The following MOG variants were observed in gnomAD, a reference collection of about 807,000 sequenced individuals.
MOG encodes myelin-oligodendrocyte glycoprotein.
Under a neutral mutation model 35.9 loss-of-function variants are expected in MOG, and 20 were observed. That is an observed-to-expected ratio of 0.56 (90% CI 0.39 to 0.81). The LOEUF (loss-of-function observed/expected upper bound fraction) is 0.81, where lower values mean the gene tolerates loss of function less well. Ranked by LOEUF, MOG falls within the 30% of genes least tolerant of loss-of-function variation. The pLI, the probability that MOG is intolerant of heterozygous loss-of-function variation, is 0.00. For missense variants in MOG, 251 were observed against 301.0 expected (o/e 0.83, Z 1.23); for synonymous variants, 92 against 114.3 (o/e 0.80, Z 1.25).
At chr6:29,664,773 T>A (rs1266649182) in intron 2 of MOG, 1 of 338,042 alleles carries the variant, frequency 3.0e-6, no homozygotes, top group South Asian at 2.2e-5. Context: ...CCCAGGTAAT[T>A]TTTAATTTTT....
intron 5 of MOG, among the ~76,000 whole-genome samples, chr6:29,669,451 C>T (rs1770980095): frequency 6.6e-6 from 1 of 151,042 alleles, no homozygotes; most frequent in African/African-American, 2.4e-5. Context: ...CCACCATGCC[C>T]AGCTAATTTT....
chr6:29,666,719 G>A (rs891341711), intron 3 of MOG, among the ~76,000 whole-genome samples: 4 of 152,154 alleles, frequency 2.6e-5, no homozygotes, highest in Non-Finnish European at 5.9e-5. Flanking sequence ...GTAGGCGTTC[G>A]AAAATTGTTT....
chr6:29,665,740 A>AGCT (rs1175951639), intron 2 of MOG, among the ~76,000 whole-genome samples: 1 of 151,550 alleles, frequency 6.6e-6, no homozygotes, highest in Admixed American at 6.6e-5. Flanking sequence ...CATATTTGAA[A>AGCT]TACATATTTA....
rs748449458 is a variant in MOG, at chr6:29,670,255, C to T, written c.593-26C>T. ...GGCATGAGGGGGAACACATGTTAAC[C>T]CTGTTTGTTCTGGTGAACAATTCAG... On this transcript the variant is annotated intron_variant, in intron 5 of 7. Transcript: ENST00000376917. The surrounding 1 kb of genome is among the most constrained non-coding windows in gnomAD (Gnocchi z 4.2). 1.2e-6 allele frequency: 2 copies of T among 1,614,144 alleles called. No individual in the cohort carries two copies. The highest frequency in any genetic ancestry group is 1.7e-6 in the Non-Finnish European group (2 of 1,180,042).
intron 5 of MOG, among the ~76,000 whole-genome samples, chr6:29,668,801 G>T (rs1308244003): frequency 1.3e-5 from 2 of 152,076 alleles, no homozygotes; most frequent in Non-Finnish European, 2.9e-5. Context: ...AAGTCTAAAG[G>T]ACCCCTTTGC....
rs1178051979 is a variant in MOG at position 29,672,328 on chromosome 6, AT to A, written c.*1144del. ...AATAAATAAATAAATAAATAAATAAATAAATAAAAAATAATAATACAAGTTT... is the reference window on the plus strand; with the variant it reads ...AATAAATAAATAAATAAATAAATAAAAAATAAAAAATAATAATACAAGTTT... On this transcript the variant is annotated 3_prime_UTR_variant, in exon 8 of 8. Coordinates refer to ENST00000376917, the MANE Select transcript of MOG (RefSeq NM_206809.4). 21 of 287,460 alleles carry A rather than the reference AT, an allele frequency of 7.3e-5. No individual in the cohort carries two copies. Among genetic ancestry groups the A allele is most frequent in the East Asian group, 3.6e-4 (6 of 16,764 alleles). 17.8% of individuals were successfully genotyped at this position (287,460 alleles called of 1,614,324 possible).
intron 5 of MOG, among the ~76,000 whole-genome samples, chr6:29,669,727 T>G (rs1206022641): frequency 6.6e-6 from 1 of 152,208 alleles, no homozygotes; most frequent in East Asian, 1.9e-4. Flanking sequence ...TGTGGTTAGT[T>G]GTAAAATGTT....
intron 2 of MOG, among the ~76,000 whole-genome samples, chr6:29,665,406 A>AT (rs575293005): frequency 2.6e-3 from 401 of 151,974 alleles, no homozygotes; most frequent in Non-Finnish European, 5.3e-3. Flanking sequence ...AATATTTGTG[A>AT]TTTTTATTGA....
At position 29,657,224 on chromosome 6, in the gene MOG, A is replaced by G. The variant is rs3130250; in HGVS notation, c.15A>G (p.Ser5=). 1,377,338 of 1,609,366 alleles carry G rather than the reference A, an allele frequency of 0.86. 591,631 individuals are homozygous for G. Among genetic ancestry groups the G allele is most frequent in the East Asian group, 0.99 (44,455 of 44,852 alleles). MASL[S]RPSLPSCLCS... is the part of the protein sequence containing the mutation. Reference sequence around the variant, plus strand: ...GAACAGTAGAGATGGCAAGCTTATCAAGACCCTCTCTGCCCAGCTGCCTCT... The same window carrying G: ...GAACAGTAGAGATGGCAAGCTTATCGAGACCCTCTCTGCCCAGCTGCCTCT... The change falls in exon 1 of 8, where the codon TCA becomes TCG. Residue 5 remains serine, a synonymous_variant. Coordinates refer to ENST00000376917, the MANE Select transcript of MOG (RefSeq NM_206809.4).
intron 5 of MOG, among the ~76,000 whole-genome samples, chr6:29,669,053 T>G (rs1198623788): frequency 1.3e-5 from 2 of 151,714 alleles, no homozygotes; most frequent in East Asian, 3.9e-4. Context: ...CCTGAGTAGC[T>G]GGGATTACAG....
chr6:29,657,450 G>A (rs77683053), intron 1 of MOG, among the ~76,000 whole-genome samples, 153 bp downstream of exon 1: 10,291 of 151,448 alleles, frequency 0.068, 501 homozygotes, highest in African/African-American at 0.14. Flanking sequence ...GAAACCTTCC[G>A]TGGGTGGTTC....
chr6:29,667,513 T>C, intron 3 of MOG, 130 bp from the exon 4 acceptor site: 5 of 864,882 alleles, frequency 5.8e-6, no homozygotes, highest in Non-Finnish European at 7.9e-6. Context: ...GTGCTCTTCC[T>C]ACTCTCCTGA....
At chr6:29,660,312 G>A (rs1157242579) in intron 2 of MOG, among the ~76,000 whole-genome samples, 1 of 138,588 alleles carries the variant, frequency 7.2e-6, no homozygotes, top group Non-Finnish European at 1.6e-5. Context: ...ACAAGGTCAG[G>A]AGATCGAGAC....
At position 29,667,637 on chromosome 6, in the gene MOG, T is replaced by C. The variant is rs371834878; in HGVS notation, c.551-6T>C. The C allele has an allele frequency of 2.4e-5, 38 of 1,613,964 alleles. No homozygotes were observed. Among genetic ancestry groups the C allele is most frequent in the African/African-American group, 6.7e-5 (5 of 74,876 alleles). The stretch of plus-strand genomic sequence containing the variant: ...GGAACTAAAATGTTGCCTTTTTCTA[T>C]TTTAGGAAAACTTCGAGCAGAGATA... On this transcript the variant is annotated splice_region_variant and splice_polypyrimidine_tract_variant and intron_variant, in intron 3 of 7. Coordinates refer to ENST00000376917, the MANE Select transcript of MOG (RefSeq NM_206809.4).
chr6:29,658,256 T>C (rs1352915773), intron 1 of MOG, among the ~76,000 whole-genome samples: 1 of 152,136 alleles, frequency 6.6e-6, no homozygotes, highest in Non-Finnish European at 1.5e-5. Context: ...AAGTTTCCCA[T>C]CCTCAGGGAG....
In MOG at chr6:29,659,390, C is replaced by T. The variant is rs373194309; in HGVS notation, c.160C>T (p.Arg54Cys). ...LVGDEVELPC[R>C]ISPGKNATGM... is the part of the protein sequence containing the mutation. The stretch of plus-strand genomic sequence containing the variant: ...CGGGGATGAAGTGGAATTGCCATGT[C>T]GCATATCTCCTGGGAAGAACGCTAC... Residue 54 changes from arginine (R) to cysteine (C), a missense_variant, in exon 2 of 8, where the codon CGC (arginine) becomes TGC (cysteine). Coordinates refer to ENST00000376917, the MANE Select transcript of MOG (RefSeq NM_206809.4). The T allele has an allele frequency of 1.2e-5, 19 of 1,612,806 alleles. No individual in the cohort carries two copies. Among genetic ancestry groups the T allele is most frequent in the African/African-American group, 9.3e-5 (7 of 74,876 alleles).
At chr6:29,665,287 G>T (rs918403693) in intron 2 of MOG, among the ~76,000 whole-genome samples, 1 of 151,592 alleles carries the variant, frequency 6.6e-6, no homozygotes, top group Non-Finnish European at 1.5e-5. Context: ...GTAGAAACAG[G>T]GTTTCTCCAT....
chr6:29,658,866 C>A (rs1225315771), intron 1 of MOG, among the ~76,000 whole-genome samples: 1 of 152,192 alleles, frequency 6.6e-6, no homozygotes, highest in Non-Finnish European at 1.5e-5. Flanking sequence ...ATAATCCCAG[C>A]GCTTTGGGGC....
rs9278231 is a variant in MOG, at chr6:29,661,816, CAAAAAA to C, written c.436+2167_436+2172del. ...GGGCAAGAAAAGTGGAACTCCATCT[CAAAAAA>C]AAAAAAAAAAAAAAAACAAGGAAGA... On this transcript the variant is annotated intron_variant, in intron 2 of 7. Coordinates refer to ENST00000376917, the MANE Select transcript of MOG (RefSeq NM_206809.4). 1,936 of 874,124 alleles carry C rather than the reference CAAAAAA, an allele frequency of 2.2e-3. 2 individuals are homozygous for C. In the African/African-American group the frequency reaches 0.028, roughly 12 times the overall value. 54.1% of individuals were successfully genotyped at this position (874,124 alleles called of 1,614,324 possible).
Sources: allele counts gnomAD v4.1 joint callset (sites outside exome capture counted in the v4.1 genomes callset), GRCh38; gene constraint gnomAD v4.1.1; non-coding constraint Gnocchi (gnomAD v3.1); transcripts MANE v1.5; gene names NCBI Gene and HGNC (gene_info 2026-07-23, HGNC 2026-07-21).